TMEM150A: variants seen among roughly 807,000 people sequenced by gnomAD.
TMEM150A encodes transmembrane protein 150A.
A neutral mutation model predicts 29.8 loss-of-function variants in TMEM150A; 18 were observed. The observed-to-expected ratio is 0.60, with a 90% CI of 0.42 to 0.90. The LOEUF (loss-of-function observed/expected upper bound fraction) is 0.90. Among genes scored for constraint, TMEM150A ranks in the 40% least tolerant of loss-of-function variants. TMEM150A has a pLI of 0.00. For synonymous variants in TMEM150A, 127 were observed against 143.6 expected (o/e 0.88, Z 0.83); for missense variants, 251 against 349.7 (o/e 0.72, Z 2.25).
Position 85,599,906 on chromosome 2 carries a change from C to T in TMEM150A, c.381G>A (p.Val127=), listed in dbSNP as rs1240117149. The change falls in exon 6 of 8, where the codon GTG becomes GTA. Residue 127 remains valine, a synonymous_variant. Transcript: ENST00000334462. This position sits in a 1 kb window ranked among gnomAD's most constrained non-coding sequence, Gnocchi z 6.0. ...TGCTNAAGLL[V]VGNFQVDHAR... is the part of the protein sequence containing the mutation. Reference sequence around the variant, plus strand: ...GGGGAAGCACCTGAAAGTTGCCAACCACCAAGAGGCCCGCAGCGTTGGTGC... The same window carrying T: ...GGGGAAGCACCTGAAAGTTGCCAACTACCAAGAGGCCCGCAGCGTTGGTGC... The T allele has an allele frequency of 6.2e-7, 1 of 1,613,424 alleles. No homozygotes were observed. The highest frequency in any genetic ancestry group is 1.1e-5 in the South Asian group (1 of 91,014).
At position 85,599,225 on chromosome 2, in the gene TMEM150A, C is replaced by A; in HGVS notation, c.667G>T (p.Gly223Cys). The A allele has an allele frequency of 6.2e-7, 1 of 1,613,934 alleles. No individual in the cohort carries two copies. The highest frequency in any genetic ancestry group is 8.5e-7 in the Non-Finnish European group (1 of 1,180,010). ...VCVIDILIFY[G>C]TFSYEFGAVS... ...GCCCCAAACTCGTAGCTGAAGGTGC[C>A]ATAGAAAATGAGGATATCGATGACA... Residue 223 changes from glycine (G) to cysteine (C), a missense_variant, in exon 8 of 8, where the codon GGC becomes TGC. Transcript: ENST00000334462. This position sits in a 1 kb window ranked among gnomAD's most constrained non-coding sequence, Gnocchi z 6.0.
At chr2:85,600,732 A>T (rs1378595776) in intron 4 of TMEM150A, 1 of 551,342 alleles carries the variant, frequency 1.8e-6, no homozygotes, top group Non-Finnish European at 3.2e-6. Flanking sequence ...GCTTAAATCC[A>T]GGTGCCTCCG....
At chr2:85,600,121 G>A (rs1335224094) in intron 5 of TMEM150A, 103 bp from the exon 6 acceptor site, 1 of 1,495,366 alleles carries the variant, frequency 6.7e-7, no homozygotes, top group Non-Finnish European at 9.1e-7. Context: ...CCCTTCTGAG[G>A]GGCAGAAAGG....
rs555543267 is a variant in TMEM150A, at chr2:85,599,738, A to G, written c.397-36T>C. ...AGAAGGGCCAGTTGGTGATGTGGCC[A>G]TGGCCCCACCTCTCCACCCCTCCTT... On this transcript the variant is annotated intron_variant, in intron 6 of 7. Coordinates refer to ENST00000334462, the MANE Select transcript of TMEM150A (RefSeq NM_001031738.3). The surrounding 1 kb of genome is among the most constrained non-coding windows in gnomAD (Gnocchi z 6.0). The G allele has an allele frequency of 6.2e-7, 1 of 1,602,068 alleles. No individual in the cohort carries two copies. Among genetic ancestry groups the G allele is most frequent in the Non-Finnish European group, 8.5e-7 (1 of 1,173,732 alleles).
rs989721462 is a variant in TMEM150A at position 85,601,712 on chromosome 2, T to G, written c.65+172A>C. ...AGAAGTATATTTGTCAGGGCCACCCTGCTGGACAGCAGTGGTGCCAGCTTG... is the reference window on the plus strand; with the variant it reads ...AGAAGTATATTTGTCAGGGCCACCCGGCTGGACAGCAGTGGTGCCAGCTTG... On this transcript the variant is annotated intron_variant, in intron 2 of 7. Transcript: ENST00000334462. The surrounding 1 kb of genome is among the most constrained non-coding windows in gnomAD (Gnocchi z 4.0). 1 of 907,118 alleles carries G rather than the reference T, an allele frequency of 1.1e-6. No homozygotes were observed. The highest frequency in any genetic ancestry group is 1.7e-5 in the African/African-American group (1 of 60,316). The allele number at this position is 907,118 out of a possible 1,614,324, so 56.2% of individuals were successfully genotyped here. A position where few individuals can be genotyped will look rare whatever the true frequency, so the allele number is the denominator to read the frequency against.
chr2:85,600,594 G>A (rs1672879148), intron 4 of TMEM150A, 182 bp from the exon 5 acceptor site: 1 of 614,412 alleles, frequency 1.6e-6, no homozygotes, highest in South Asian at 1.9e-5. Context: ...CCAAAGCAGA[G>A]CTCATGTGTG....
rs1246792496 is a variant in TMEM150A at position 85,601,792 on chromosome 2, G to T, written c.65+92C>A. The T allele has an allele frequency of 7.0e-7, 1 of 1,427,120 alleles. No homozygotes were observed. The highest frequency in any genetic ancestry group is 9.8e-7 in the Non-Finnish European group (1 of 1,022,702). The allele number at this position is 1,427,120 out of a possible 1,614,324, so 88.4% of individuals were successfully genotyped here. ...GTCAGGCTTTTGAGACACCCAGAGT[G>T]ACCCTGGGTACCACCGTGGCTATGA... is the stretch of plus-strand genomic sequence containing the variant. On this transcript the variant is annotated intron_variant, in intron 2 of 7. Transcript: ENST00000334462. The surrounding 1 kb of genome is among the most constrained non-coding windows in gnomAD (Gnocchi z 4.0).
rs1673001458 is a variant in TMEM150A, at chr2:85,602,070, GGA to G, written c.-116-8_-116-7del. ...CAACCATCAGCTGTCCTGGCCTGGT[GGA>G]GAGAGATCAAAGTCCAGGAGTGGGT... On this transcript the variant is annotated splice_region_variant and splice_polypyrimidine_tract_variant and intron_variant, in intron 1 of 7. Coordinates refer to ENST00000334462, the MANE Select transcript of TMEM150A (RefSeq NM_001031738.3). The surrounding 1 kb of genome is among the most constrained non-coding windows in gnomAD (Gnocchi z 5.6). 1.1e-6 allele frequency: 1 copy of G among 876,664 alleles called. No individual in the cohort carries two copies. The highest frequency in any genetic ancestry group is 1.9e-6 in the Non-Finnish European group (1 of 528,890). The allele number at this position is 876,664 out of a possible 1,614,324, so 54.3% of individuals were successfully genotyped here.
At position 85,600,862 on chromosome 2, in the gene TMEM150A, T is replaced by G. The variant is rs1672895278; in HGVS notation, c.200+159A>C. On this transcript the variant is annotated intron_variant, in intron 4 of 7. Transcript: ENST00000334462. ...AAAAGAGACAATGCATATAAAGCAC[T>G]CAGCAGAGTGCCTGCCCCACAGTAA... 7 of 637,900 alleles carry G rather than the reference T, an allele frequency of 1.1e-5. No homozygotes were observed. In the South Asian group the frequency reaches 1.2e-4, roughly 11 times the overall value. 39.5% of individuals were successfully genotyped at this position (637,900 alleles called of 1,614,324 possible). A position where few individuals can be genotyped will look rare whatever the true frequency, so the allele number is the denominator to read the frequency against.
Position 85,601,815 on chromosome 2 carries a change from TGACAG to T in TMEM150A, c.65+64_65+68del, listed in dbSNP as rs1672982058. ...GTGACCCTGGGTACCACCGTGGCTA[TGACAG>T]GACAAGAGACTTTGTGTGCGTCATC... On this transcript the variant is annotated intron_variant, in intron 2 of 7. Transcript: ENST00000334462. The surrounding 1 kb of genome is among the most constrained non-coding windows in gnomAD (Gnocchi z 4.0). The T allele has an allele frequency of 1.9e-6, 3 of 1,570,004 alleles. No individual in the cohort carries two copies. Among genetic ancestry groups the T allele is most frequent in the Non-Finnish European group, 2.6e-6 (3 of 1,143,166 alleles).
At chr2:85,600,642 C>G (rs1558831174) in intron 4 of TMEM150A, 7 of 575,486 alleles carry the variant, frequency 1.2e-5, no homozygotes, top group South Asian at 4.3e-5. Flanking sequence ...TTCGGGCAAC[C>G]CTGACACTCT....
chr2:85,598,713 C>G lies in TMEM150A; in HGVS notation c.*363G>C. On this transcript the variant is annotated 3_prime_UTR_variant, in exon 8 of 8. Transcript: ENST00000334462. The stretch of plus-strand genomic sequence containing the variant: ...AGGCTAAGGCGTGCCCACTCCACCT[C>G]CACCAGACTTCTATCCCCTCTGCTG... 1 of 260,076 alleles carries G rather than the reference C, an allele frequency of 3.8e-6. No homozygotes were observed. The highest frequency in any genetic ancestry group is 7.6e-6 in the Non-Finnish European group (1 of 131,344). 16.1% of individuals were successfully genotyped at this position (260,076 alleles called of 1,614,324 possible). A position where few individuals can be genotyped will look rare whatever the true frequency, so the allele number is the denominator to read the frequency against.
intron 4 of TMEM150A, chr2:85,600,649 C>G: frequency 1.7e-6 from 1 of 571,998 alleles, no homozygotes; most frequent in Non-Finnish European, 3.1e-6. Flanking sequence ...AACCCTGACA[C>G]TCTTTGCTGA....
chr2:85,601,203 T>A lies in TMEM150A; in HGVS notation c.114-96A>T, dbSNP rs577849987. On this transcript the variant is annotated intron_variant, in intron 3 of 7. Coordinates refer to ENST00000334462, the MANE Select transcript of TMEM150A (RefSeq NM_001031738.3). The surrounding 1 kb of genome is among the most constrained non-coding windows in gnomAD (Gnocchi z 4.0). ...CTCAAAGAGGACTCTCTCCCAGACCTCCCCTACAGGGACAGAAGATCCCAC... is the reference window on the plus strand; with the variant it reads ...CTCAAAGAGGACTCTCTCCCAGACCACCCCTACAGGGACAGAAGATCCCAC... 1.5e-6 allele frequency: 2 copies of A among 1,343,762 alleles called. No homozygotes were observed. Among genetic ancestry groups the A allele is most frequent in the South Asian group, 1.2e-5 (1 of 82,844 alleles). 83.2% of individuals were successfully genotyped at this position (1,343,762 alleles called of 1,614,324 possible).
chr2:85,601,330 C>A lies in TMEM150A; in HGVS notation c.113+105G>T. The A allele has an allele frequency of 7.1e-7, 1 of 1,416,292 alleles. No homozygotes were observed. Among genetic ancestry groups the A allele is most frequent in the Non-Finnish European group, 1.0e-6 (1 of 1,000,386 alleles). The allele number at this position is 1,416,292 out of a possible 1,614,324, so 87.7% of individuals were successfully genotyped here. A position where few individuals can be genotyped will look rare whatever the true frequency, so the allele number is the denominator to read the frequency against. ...CCTGGGGACCAATTTCAGAGAAGAGCAGTGAGGCTCAGGGTTGCAGTCTGG... is the reference window on the plus strand; with the variant it reads ...CCTGGGGACCAATTTCAGAGAAGAGAAGTGAGGCTCAGGGTTGCAGTCTGG... On this transcript the variant is annotated intron_variant, in intron 3 of 7. Transcript: ENST00000334462. The surrounding 1 kb of genome is among the most constrained non-coding windows in gnomAD (Gnocchi z 4.0).
In TMEM150A at chr2:85,599,152, C is replaced by T. The variant is rs370086250; in HGVS notation, c.740G>A (p.Arg247Gln). 126 of 1,613,460 alleles carry T rather than the reference C, an allele frequency of 7.8e-5. No homozygotes were observed. Among genetic ancestry groups the T allele is most frequent in the African/African-American group, 1.1e-4 (8 of 74,796 alleles). Residue 247 changes from arginine to glutamine, a missense_variant, in exon 8 of 8, where the codon CGG becomes CAG. Transcript: ENST00000334462. This position sits in a 1 kb window ranked among gnomAD's most constrained non-coding sequence, Gnocchi z 6.0. ...LVAALQPTPGRACKSSGSSST... is the reference protein window; with the variant it reads ...LVAALQPTPGQACKSSGSSST... ...GCTGCTCCCGGAGGACTTGCAGGCC[C>T]GGCCAGGGGTAGGCTGCAGTGCAGC...
At position 85,599,380 on chromosome 2, in the gene TMEM150A, A is replaced by C; in HGVS notation, c.575-63T>G. ...GGAAACCTGGCAACACCCCTTCTGC[A>C]GTCTCAGGCCTCACCTCTCCAAAGG... On this transcript the variant is annotated intron_variant, in intron 7 of 7. Transcript: ENST00000334462. The surrounding 1 kb of genome is among the most constrained non-coding windows in gnomAD (Gnocchi z 6.0). The C allele has an allele frequency of 6.2e-7, 1 of 1,600,648 alleles. No individual in the cohort carries two copies. Among genetic ancestry groups the C allele is most frequent in the South Asian group, 1.1e-5 (1 of 89,478 alleles).
chr2:85,598,868 G>T lies in TMEM150A; in HGVS notation c.*208C>A. ...CTTTAAAAACAAAACGACACCGTGG[G>T]GTGGGGAAGCAGGTCATGCAGCTGT... On this transcript the variant is annotated 3_prime_UTR_variant, in exon 8 of 8. Coordinates refer to ENST00000334462, the MANE Select transcript of TMEM150A (RefSeq NM_001031738.3). 1.4e-6 allele frequency: 1 copy of T among 698,244 alleles called. No homozygotes were observed. Among genetic ancestry groups the T allele is most frequent in the Non-Finnish European group, 2.3e-6 (1 of 433,472 alleles). 43.3% of individuals were successfully genotyped at this position (698,244 alleles called of 1,614,324 possible).
chr2:85,600,101 G>T, intron 5 of TMEM150A, 83 bp from the exon 6 acceptor site: 5 of 1,564,526 alleles, frequency 3.2e-6, no homozygotes, highest in Non-Finnish European at 4.3e-6. Flanking sequence ...AGACGCTGTG[G>T]TGCTCCTGCC....
Sources: allele counts gnomAD v4.1 joint callset, GRCh38; gene constraint gnomAD v4.1.1; non-coding constraint Gnocchi (gnomAD v3.1); transcripts MANE v1.5; gene names NCBI Gene and HGNC (gene_info 2026-07-23, HGNC 2026-07-21).